VPS13B: variants seen among roughly 807,000 people sequenced by gnomAD.
VPS13B encodes intermembrane lipid transfer protein VPS13B.
A neutral mutation model predicts 426.4 loss-of-function variants in VPS13B; 285 were observed. That is an observed-to-expected ratio of 0.67 (90% confidence interval 0.61 to 0.74). VPS13B has a LOEUF of 0.74. Ranked by LOEUF, VPS13B falls within the 30% of genes least tolerant of loss-of-function variation. The pLI, the probability that VPS13B is intolerant of heterozygous loss-of-function variation, is 0.00. For synonymous variants in VPS13B, 1,676 were observed against 1,676.4 expected (o/e 1.00, Z 0.01); for missense variants, 4,537 against 4,782.6 (o/e 0.95, Z 1.51).
intron 3 of VPS13B, among the ~76,000 whole-genome samples, chr8:99,092,874 GT>G (rs1279757520): frequency 6.6e-6 from 1 of 150,514 alleles, no homozygotes; most frequent in Non-Finnish European, 1.5e-5. Flanking sequence ...GGCAAATAAA[GT>G]TATTTAGTTT....
At chr8:99,085,441 T>C (rs1343594683) in intron 3 of VPS13B, among the ~76,000 whole-genome samples, 1 of 152,206 alleles carries the variant, frequency 6.6e-6, no homozygotes, top group Admixed American at 6.5e-5. Context: ...AGTGGAGCAT[T>C]TAGCCCATTT....
chr8:99,569,914 TAATA>T (rs1825388948), intron 31 of VPS13B, among the ~76,000 whole-genome samples: 1 of 152,228 alleles, frequency 6.6e-6, no homozygotes, highest in Admixed American at 6.5e-5. Context: ...ATCGAGGGTT[TAATA>T]AATTTCTATG....
intron 60 of VPS13B, 110 bp downstream of exon 60, chr8:99,870,997 A>T: frequency 9.1e-7 from 1 of 1,094,842 alleles, no homozygotes; most frequent in Non-Finnish European, 1.4e-6. Context: ...AGGAGTAGCC[A>T]TTGTTGGCAC....
In VPS13B at chr8:99,819,956, G is replaced by T. The variant is rs777528760; in HGVS notation, c.8828G>T (p.Arg2943Leu). The T allele has an allele frequency of 3.1e-6, 5 of 1,613,884 alleles. No homozygotes were observed. The highest frequency in any genetic ancestry group is 4.2e-6 in the Non-Finnish European group (5 of 1,179,914). Reference sequence around the variant, plus strand: ...CTAAGTCAGTGGGATAGCCCAATGCGAGTGAAGCTGTCAATCTGGAAGCCA... The same window carrying T: ...CTAAGTCAGTGGGATAGCCCAATGCTAGTGAAGCTGTCAATCTGGAAGCCA... ...EQLSQWDSPM[R>L]VKLSIWKPYV... The change falls in exon 49 of 62, where the codon CGA (arginine) becomes CTA (leucine). Residue 2943 changes from arginine to leucine, a missense_variant. Around this residue, in one of 2 missense-constraint regions of VPS13B, gnomAD observed 4,311 missense variants for 4,474.3 expected, o/e 0.96. Coordinates refer to ENST00000357162, the MANE Select transcript of VPS13B (RefSeq NM_152564.5).
At position 99,393,622 on chromosome 8, in the gene VPS13B, G is replaced by A. The variant is rs796780715; in HGVS notation, c.3082+1918G>A. On this transcript the variant is annotated intron_variant, in intron 21 of 61. Coordinates refer to ENST00000357162, the MANE Select transcript of VPS13B (RefSeq NM_152564.5). ...CAAATGTATATTCTTACTCAAGCTT[G>A]CATAAAAATTAATAGGCATCCAACT... 5.0e-4 allele frequency among the ~76,000 whole-genome samples: 76 copies of A among 152,146 alleles called. 1 individual carries two copies. Among genetic ancestry groups the A allele is most frequent in the Middle Eastern group, 3.4e-3 (1 of 294 alleles).
At position 99,832,341 on chromosome 8, in the gene VPS13B, A is replaced by ATTTTTTTTTTTTTTTTTTTTTTTTTTTTT. The variant is rs370235149; in HGVS notation, c.9331-3_9331-2insTTTTTTTTTTTTTTTTTTTTTTTTTTTTT. ...TTACTGTAGCTAATGTGCTCTCTGC[A>ATTTTTTTTTTTTTTTTTTTTTTTTTTTTT]TTTTTTTTTTTTTTTTTTTTTTTTT... On this transcript the variant is annotated intron_variant, in intron 51 of 61. Transcript: ENST00000357162. 8.4e-5 allele frequency: 100 copies of ATTTTTTTTTTTTTTTTTTTTTTTTTTTTT among 1,195,324 alleles called. 4 individuals are homozygous for ATTTTTTTTTTTTTTTTTTTTTTTTTTTTT. Among genetic ancestry groups the ATTTTTTTTTTTTTTTTTTTTTTTTTTTTT allele is most frequent in the African/African-American group, 2.4e-4 (11 of 45,946 alleles). 74.0% of individuals were successfully genotyped at this position (1,195,324 alleles called of 1,614,324 possible). A position where few individuals can be genotyped will look rare whatever the true frequency, so the allele number is the denominator to read the frequency against.
intron 19 of VPS13B, among the ~76,000 whole-genome samples, chr8:99,362,827 T>C (rs1330595759): frequency 7.9e-5 from 12 of 152,226 alleles, no homozygotes; most frequent in Non-Finnish European, 1.0e-4. Context: ...TTTGGGTTTA[T>C]ACCTAGCAGT....
intron 23 of VPS13B, among the ~76,000 whole-genome samples, chr8:99,452,787 G>A (rs1398090788): frequency 6.6e-6 from 1 of 152,184 alleles, no homozygotes; most frequent in East Asian, 1.9e-4. Flanking sequence ...TTGCTGAAAT[G>A]TGTCATCTGA....
chr8:99,321,204 CTTTTTCTTTTTTTT>C (rs1352815280), intron 19 of VPS13B, among the ~76,000 whole-genome samples: 15 of 126,554 alleles, frequency 1.2e-4, no homozygotes, highest in Non-Finnish European at 1.8e-4. Flanking sequence ...TTTCTTTTTT[CTTTTTCTTTTTTTT>C]TTTTTTTTTT....
At chr8:99,349,595 A>G (rs1182304308) in intron 19 of VPS13B, among the ~76,000 whole-genome samples, 3 of 152,130 alleles carry the variant, frequency 2.0e-5, no homozygotes, top group Non-Finnish European at 4.4e-5. Context: ...TTTTATTGTT[A>G]ATCTGAAATT....
chr8:99,662,022 A>T (rs1296827238), intron 35 of VPS13B, among the ~76,000 whole-genome samples: 1 of 152,210 alleles, frequency 6.6e-6, no homozygotes, highest in East Asian at 1.9e-4. Flanking sequence ...AGAGCTAATT[A>T]TGTCCCAGGC....
chr8:99,376,913 A>G (rs1350558422), intron 19 of VPS13B, among the ~76,000 whole-genome samples: 1 of 152,092 alleles, frequency 6.6e-6, no homozygotes. Context: ...AATCAACTCA[A>G]TATCTTTTTT....
chr8:99,734,548 T>G (rs1372707878), intron 39 of VPS13B, among the ~76,000 whole-genome samples: 1 of 152,154 alleles, frequency 6.6e-6, no homozygotes, highest in Non-Finnish European at 1.5e-5. Flanking sequence ...AAAGTAGACT[T>G]AAAGCATGAT....
At chr8:99,649,146 C>A (rs1829705960) in intron 34 of VPS13B, among the ~76,000 whole-genome samples, 1 of 152,054 alleles carries the variant, frequency 6.6e-6, no homozygotes, top group African/African-American at 2.4e-5. Context: ...TTTCAAGACA[C>A]CTGCTTATCT....
intron 44 of VPS13B, among the ~76,000 whole-genome samples, chr8:99,815,628 A>G (rs1286907111): frequency 1.3e-5 from 2 of 151,518 alleles, no homozygotes; most frequent in African/African-American, 4.9e-5. Flanking sequence ...ATTAAATATC[A>G]TATGCTTAGA....
At chr8:99,597,454 A>T (rs1186004338) in intron 33 of VPS13B, among the ~76,000 whole-genome samples, 1 of 152,060 alleles carries the variant, frequency 6.6e-6, no homozygotes, top group East Asian at 1.9e-4. Flanking sequence ...AGCCAAATGA[A>T]CAGAAATAAG....
rs773907481 is a variant in VPS13B at position 99,853,438 on chromosome 8, C to G, written c.10062-13C>G. On this transcript the variant is annotated splice_polypyrimidine_tract_variant and intron_variant, in intron 55 of 61. Transcript: ENST00000357162. ...AGTGGGGGGACTAATGTTCTTGTCC[C>G]TTTCTCCTCTAGAGCGCCAGAGAAG... 1.2e-6 allele frequency: 2 copies of G among 1,613,870 alleles called. No individual in the cohort carries two copies. The highest frequency in any genetic ancestry group is 1.3e-5 in the African/African-American group (1 of 74,910).
intron 61 of VPS13B, among the ~76,000 whole-genome samples, 177 bp downstream of exon 61, chr8:99,871,874 A>G (rs1324798536): frequency 6.6e-6 from 1 of 152,192 alleles, no homozygotes; most frequent in Non-Finnish European, 1.5e-5. Flanking sequence ...GCGAAAGGGC[A>G]CTGGGAAGCC....
chr8:99,451,565 G>A (rs7830808), intron 23 of VPS13B, among the ~76,000 whole-genome samples: 1,849 of 152,218 alleles, frequency 0.012, 30 homozygotes, highest in African/African-American at 0.041. Context: ...ACAGTGTCTG[G>A]TAAGTGCTCG....
Sources: gnomAD v4.1 joint callset for allele counts (sites outside exome capture counted in the v4.1 genomes callset) on GRCh38, gnomAD v4.1.1 for gene constraint, gnomAD v4.1.1 regional missense constraint, MANE v1.5 for transcripts, NCBI Gene and HGNC (gene_info 2026-07-23, HGNC 2026-07-21) for gene names.